Variants in THSD7A observed in about 807,000 individuals in gnomAD.
The protein encoded by THSD7A is thrombospondin type-1 domain-containing protein 7A.
In THSD7A, 96 loss-of-function variants were observed where a neutral mutation model predicts 231.3. That is an observed-to-expected ratio of 0.41 (90% CI 0.35 to 0.49). THSD7A has a LOEUF of 0.49. Ranked by LOEUF, THSD7A falls within the 20% of genes least tolerant of loss-of-function variation. The pLI is 0.05. For missense variants in THSD7A, 2,290 were observed against 2,070.2 expected (o/e 1.11, Z -2.06); for synonymous variants, 940 against 743.3 (o/e 1.26, Z -4.30).
intron 4 of THSD7A, among the ~76,000 whole-genome samples, chr7:11,547,237 C>G (rs960067437): frequency 6.6e-6 from 1 of 152,088 alleles, no homozygotes; most frequent in Admixed American, 6.6e-5. Flanking sequence ...TATAAAGCAA[C>G]TACAAAAACA....
At chr7:11,431,518 T>C (rs936360356) in intron 13 of THSD7A, among the ~76,000 whole-genome samples, 2 of 152,212 alleles carry the variant, frequency 1.3e-5, no homozygotes, top group African/African-American at 4.8e-5. Context: ...TAACGATTTA[T>C]TTTTGAACTG....
intron 9 of THSD7A, among the ~76,000 whole-genome samples, chr7:11,468,987 A>G (rs1482665398): frequency 6.6e-6 from 1 of 152,170 alleles, no homozygotes; most frequent in African/African-American, 2.4e-5. Flanking sequence ...CAGTAAAAGT[A>G]TCCATTATTA....
chr7:11,813,679 C>CTAGA (rs1784596405), intron 1 of THSD7A, among the ~76,000 whole-genome samples: 1 of 151,438 alleles, frequency 6.6e-6, no homozygotes, highest in African/African-American at 2.4e-5. Context: ...CACCACCGCA[C>CTAGA]TCTAGCCTGG....
At chr7:11,541,073 T>C (rs1028691489) in intron 6 of THSD7A, among the ~76,000 whole-genome samples, 7 of 152,246 alleles carry the variant, frequency 4.6e-5, no homozygotes, top group Non-Finnish European at 7.3e-5. Context: ...ACTGGAGCTA[T>C]AGACTTTTTT....
At chr7:11,745,666 C>T (rs866508695) in intron 1 of THSD7A, among the ~76,000 whole-genome samples, 4,072 of 151,696 alleles carry the variant, frequency 0.027, 199 homozygotes, top group African/African-American at 0.094. Flanking sequence ...TACATATGGC[C>T]AGCCAGTTTT....
At position 11,721,593 on chromosome 7, in the gene THSD7A, G is replaced by A. The variant is rs1419539026; in HGVS notation, c.191-84632C>T. On this transcript the variant is annotated intron_variant, in intron 1 of 27. Coordinates refer to ENST00000423059, the MANE Select transcript of THSD7A (RefSeq NM_015204.3). The stretch of plus-strand genomic sequence containing the variant: ...TAGTTCTTTATAGCAATGTGAGAAC[G>A]GACTAATACACTAACCTAAAGCAGC... Among the ~76,000 whole-genome samples, 5 of 151,636 alleles carry A rather than the reference G, an allele frequency of 3.3e-5. No individual in the cohort carries two copies. In the South Asian group the frequency reaches 6.2e-4, roughly 19 times the overall value.
chr7:11,509,831 A>AAAAAAAAAAAAAG (rs1787725578), intron 6 of THSD7A, among the ~76,000 whole-genome samples: 1 of 147,250 alleles, frequency 6.8e-6, no homozygotes, highest in Non-Finnish European at 1.5e-5. Context: ...CAAAAAAAAA[A>AAAAAAAAAAAAAG]AAAAATAACA....
At chr7:11,490,083 A>G (rs1337839952) in intron 6 of THSD7A, among the ~76,000 whole-genome samples, 2 of 152,090 alleles carry the variant, frequency 1.3e-5, no homozygotes, top group East Asian at 1.9e-4. Flanking sequence ...TCATATATTT[A>G]TGTTCATATT....
intron 2 of THSD7A, among the ~76,000 whole-genome samples, chr7:11,603,488 G>GAACTGGAAATACCATTTGACCC (rs1266585428): frequency 6.6e-6 from 1 of 151,784 alleles, no homozygotes; most frequent in African/African-American, 2.4e-5. Context: ...CAGGGATCTA[G>GAACTGGAAATACCATTTGACCC]AACTGGAAAT....
intron 1 of THSD7A, among the ~76,000 whole-genome samples, chr7:11,673,278 C>T (rs1783478732): frequency 1.3e-5 from 2 of 152,070 alleles, no homozygotes; most frequent in African/African-American, 4.8e-5. Context: ...CAGGAGTTCC[C>T]ATCACCCTAT....
chr7:11,778,464 C>T (rs1439872227), intron 1 of THSD7A, among the ~76,000 whole-genome samples: 1 of 151,872 alleles, frequency 6.6e-6, no homozygotes, highest in Non-Finnish European at 1.5e-5. Context: ...TTAATAGTGC[C>T]AACAGAAATA....
intron 11 of THSD7A, among the ~76,000 whole-genome samples, chr7:11,460,126 T>C (rs1031695281): frequency 1.6e-4 from 24 of 152,244 alleles, no homozygotes; most frequent in Admixed American, 1.4e-3. Flanking sequence ...GTGGTGCAGA[T>C]TGTAATTAAG....
At chr7:11,623,168 T>C (rs1456736645) in intron 2 of THSD7A, among the ~76,000 whole-genome samples, 2 of 152,148 alleles carry the variant, frequency 1.3e-5, no homozygotes, top group Non-Finnish European at 2.9e-5. Context: ...AAGCACCTGA[T>C]AGATGATCAC....
chr7:11,643,597 ACG>A (rs376151391), intron 1 of THSD7A, among the ~76,000 whole-genome samples: 2 of 98,386 alleles, frequency 2.0e-5, no homozygotes, highest in South Asian at 8.2e-4. Context: ...CACCACACGC[ACG>A]CGCGCACACA....
intron 15 of THSD7A, among the ~76,000 whole-genome samples, chr7:11,425,310 T>C: frequency 6.6e-6 from 1 of 152,170 alleles, no homozygotes; most frequent in East Asian, 1.9e-4. Flanking sequence ...ATTTTCCAGA[T>C]AACTATAAAT....
intron 1 of THSD7A, among the ~76,000 whole-genome samples, chr7:11,701,047 C>G (rs928544880): frequency 1.3e-5 from 2 of 151,192 alleles, no homozygotes; most frequent in Admixed American, 6.6e-5. Context: ...ATTCCGACTA[C>G]TTTTAAAAAT....
chr7:11,783,154 T>C (rs564371332), intron 1 of THSD7A, among the ~76,000 whole-genome samples: 28 of 152,260 alleles, frequency 1.8e-4, no homozygotes, highest in Non-Finnish European at 3.4e-4. Flanking sequence ...CTACTTACAC[T>C]GGGGTTATGT....
At chr7:11,759,079 G>T (rs1562533989) in intron 1 of THSD7A, among the ~76,000 whole-genome samples, 1 of 151,880 alleles carries the variant, frequency 6.6e-6, no homozygotes, top group African/African-American at 2.4e-5. Context: ...TAAGCCAAAA[G>T]ACGTCAAAGA....
At chr7:11,583,923 T>C (rs939615801) in intron 4 of THSD7A, among the ~76,000 whole-genome samples, 1 of 152,188 alleles carries the variant, frequency 6.6e-6, no homozygotes, top group Non-Finnish European at 1.5e-5. Flanking sequence ...GTGAGTCTTA[T>C]TTTTCTCCTA....
Sources: gnomAD v4.1 joint callset for allele counts (sites outside exome capture counted in the v4.1 genomes callset) on GRCh38, gnomAD v4.1.1 for gene constraint, MANE v1.5 for transcripts, NCBI Gene and HGNC (gene_info 2026-07-23, HGNC 2026-07-21) for gene names.